The following NRG3 variants were observed in gnomAD, a reference collection of about 807,000 sequenced individuals.
NRG3 encodes the protein neuregulin 3.
Under a neutral mutation model 66.9 loss-of-function variants are expected in NRG3, and 31 were observed. The observed-to-expected ratio is 0.46, with a 90% CI of 0.35 to 0.63. The LOEUF (loss-of-function observed/expected upper bound fraction) is 0.63, where lower values mean the gene tolerates loss of function less well. Ranked by LOEUF, NRG3 falls within the 20% of genes least tolerant of loss-of-function variation. The pLI is 0.00. For missense variants in NRG3, 910 were observed against 878.9 expected (o/e 1.04, Z -0.45); for synonymous variants, 393 against 359.4 (o/e 1.09, Z -1.06).
Position 82,303,329 on chromosome 10 carries a change from G to A in NRG3, c.824-55410G>A, listed in dbSNP as rs976944255. Among the ~76,000 whole-genome samples, 8 of 102,294 alleles carry A rather than the reference G, an allele frequency of 7.8e-5. No homozygotes were observed. In the South Asian group the frequency reaches 8.0e-4, roughly 10 times the overall value. 67.1% of individuals were successfully genotyped at this position (102,294 alleles called of 152,430 possible). ...CTTATTCATTTACATACTACTGTGC[G>A]TGTATAAACACACACACACACACAC... is the stretch of plus-strand genomic sequence containing the variant. On this transcript the variant is annotated intron_variant, in intron 1 of 8. Transcript: ENST00000372141.
intron 2 of NRG3, among the ~76,000 whole-genome samples, chr10:82,603,732 A>G (rs185073921): frequency 1.1e-4 from 16 of 151,182 alleles, no homozygotes; most frequent in Admixed American, 1.1e-3. Flanking sequence ...ATTCATGTGA[A>G]CTGTGTTAAA....
At chr10:82,912,291 T>C (rs1400920003) in intron 4 of NRG3, among the ~76,000 whole-genome samples, 1 of 152,214 alleles carries the variant, frequency 6.6e-6, no homozygotes, top group East Asian at 1.9e-4. Context: ...TTTCCCCTTG[T>C]AGTTCTTCTA....
intron 3 of NRG3, among the ~76,000 whole-genome samples, chr10:82,748,134 T>C (rs1427974008): frequency 1.3e-5 from 2 of 151,594 alleles, no homozygotes; most frequent in African/African-American, 2.4e-5. Flanking sequence ...CATGAGAGTA[T>C]TTAGTTTTAA....
intron 4 of NRG3, among the ~76,000 whole-genome samples, chr10:82,892,234 G>T (rs763981409): frequency 6.6e-6 from 1 of 151,864 alleles, no homozygotes; most frequent in Non-Finnish European, 1.5e-5. Flanking sequence ...GAGATGTTGA[G>T]TACTAGTAGA....
intron 5 of NRG3, among the ~76,000 whole-genome samples, chr10:82,957,883 A>C (rs987095094): frequency 7.7e-6 from 1 of 129,942 alleles, no homozygotes; most frequent in African/African-American, 2.9e-5. Flanking sequence ...CAACACTGCA[A>C]AGAGGTGTGC....
intron 3 of NRG3, among the ~76,000 whole-genome samples, chr10:82,855,699 T>C (rs1350524033): frequency 6.6e-6 from 1 of 151,968 alleles, no homozygotes; most frequent in Non-Finnish European, 1.5e-5. Context: ...CGTCCAGCTG[T>C]GTGCCTTCAT....
intron 2 of NRG3, among the ~76,000 whole-genome samples, chr10:82,673,443 T>A (rs922259158): frequency 6.6e-6 from 1 of 152,236 alleles, no homozygotes; most frequent in African/African-American, 2.4e-5. Flanking sequence ...AAAATTGTTT[T>A]CATTATACTG....
At chr10:82,188,518 A>C (rs960944039) in intron 1 of NRG3, among the ~76,000 whole-genome samples, 1 of 152,158 alleles carries the variant, frequency 6.6e-6, no homozygotes, top group Non-Finnish European at 1.5e-5. Flanking sequence ...GAGATAACCC[A>C]CAGAACGGGA....
chr10:82,979,645 G>A (rs1363391668), intron 8 of NRG3, among the ~76,000 whole-genome samples: 1 of 152,128 alleles, frequency 6.6e-6, no homozygotes. Flanking sequence ...AGACGGGTGG[G>A]CTTTGGACAC....
At chr10:82,770,594 C>G (rs919040931) in intron 3 of NRG3, among the ~76,000 whole-genome samples, 3 of 152,030 alleles carry the variant, frequency 2.0e-5, no homozygotes, top group African/African-American at 7.2e-5. Flanking sequence ...AACAGAAAAG[C>G]CCTCAGATCA....
intron 2 of NRG3, among the ~76,000 whole-genome samples, chr10:82,436,185 G>A (rs530719693): frequency 4.9e-4 from 74 of 152,198 alleles, no homozygotes; most frequent in African/African-American, 1.8e-3. Context: ...TCTCTTTGTA[G>A]GTGTCTAAGA....
intron 2 of NRG3, among the ~76,000 whole-genome samples, chr10:82,541,053 A>G (rs1487275766): frequency 6.6e-6 from 1 of 152,114 alleles, no homozygotes; most frequent in Non-Finnish European, 1.5e-5. Context: ...CAAGGAGTGA[A>G]TTTCCAGGAA....
intron 3 of NRG3, among the ~76,000 whole-genome samples, chr10:82,805,445 TTTTA>T (rs749040444): frequency 1.9e-4 from 29 of 152,200 alleles, no homozygotes; most frequent in Non-Finnish European, 3.7e-4. Context: ...TGTGTCTTTC[TTTTA>T]TTTATTTATT....
chr10:81,929,900 C>T (rs10883935), intron 1 of NRG3, among the ~76,000 whole-genome samples: 46,233 of 152,050 alleles, frequency 0.3, 7,725 homozygotes, highest in East Asian at 0.59. Context: ...AAAATTTTAT[C>T]TAAATACTAA....
At chr10:81,977,507 C>A (rs2060168837) in intron 1 of NRG3, among the ~76,000 whole-genome samples, 1 of 152,080 alleles carries the variant, frequency 6.6e-6, no homozygotes, top group African/African-American at 2.4e-5. Flanking sequence ...TGAAAAACAG[C>A]AAAATTATAT....
chr10:82,022,687 T>C (rs1315179507), intron 1 of NRG3, among the ~76,000 whole-genome samples: 2 of 152,062 alleles, frequency 1.3e-5, no homozygotes, highest in Non-Finnish European at 1.5e-5. Context: ...TAGATCTGCA[T>C]TGTCAAATCG....
chr10:82,723,576 T>G lies in NRG3; in HGVS notation c.954-15001T>G, dbSNP rs2057425887. Among the ~76,000 whole-genome samples, 3 of 152,138 alleles carry G rather than the reference T, an allele frequency of 2.0e-5. No individual in the cohort carries two copies. The South Asian group carries it at 6.2e-4, about 31-fold the overall frequency. On this transcript the variant is annotated intron_variant, in intron 2 of 8. Transcript: ENST00000372141. The stretch of plus-strand genomic sequence containing the variant: ...TAAAACATTTTGCCAATAAAAGTAA[T>G]TTTAACTTGGAAAAAAAAATAGAAT...
At chr10:82,677,695 G>C (rs2053814024) in intron 2 of NRG3, among the ~76,000 whole-genome samples, 1 of 152,142 alleles carries the variant, frequency 6.6e-6, no homozygotes, top group South Asian at 2.1e-4. Flanking sequence ...ATTTGACCAA[G>C]GGGGTGTAAG....
chr10:82,018,464 C>A (rs1467335004), intron 1 of NRG3, among the ~76,000 whole-genome samples: 2 of 152,126 alleles, frequency 1.3e-5, no homozygotes, highest in African/African-American at 2.4e-5. Context: ...TTTTCCAATT[C>A]TGTGAAGAAA....
Sources: allele counts gnomAD v4.1 joint callset (sites outside exome capture counted in the v4.1 genomes callset), GRCh38; gene constraint gnomAD v4.1.1; transcripts MANE v1.5; gene names NCBI Gene and HGNC (gene_info 2026-07-23, HGNC 2026-07-21).